Variants in MDFIC observed in about 807,000 individuals in gnomAD.
The protein encoded by MDFIC is myoD family inhibitor domain-containing protein.
A neutral mutation model predicts 23.2 loss-of-function variants in MDFIC; 17 were observed. The observed-to-expected ratio is 0.73, with a 90% CI of 0.50 to 1.10. The LOEUF (loss-of-function observed/expected upper bound fraction) is 1.10. Ranked by LOEUF, MDFIC falls within the 50% of genes least tolerant of loss-of-function variation. The probability of loss-of-function intolerance (pLI) is 0.00; values close to 1 mark genes in which losing one functional copy is unlikely to be tolerated. For synonymous variants in MDFIC, 120 were observed against 115.2 expected (o/e 1.04, Z -0.27); for missense variants, 356 against 316.6 (o/e 1.12, Z -0.95).
At chr7:115,004,892 A>G (rs1438210339) in intron 4 of MDFIC, among the ~76,000 whole-genome samples, 9 of 152,196 alleles carry the variant, frequency 5.9e-5, no homozygotes, top group Non-Finnish European at 2.9e-5. Flanking sequence ...TTCAGCATCT[A>G]CGACAAGGCA....
chr7:114,978,300 G>A (rs1171406684), intron 3 of MDFIC, among the ~76,000 whole-genome samples: 4 of 151,860 alleles, frequency 2.6e-5, no homozygotes, highest in Admixed American at 1.3e-4. Flanking sequence ...GGATCAGCTT[G>A]TCAAGTTCCA....
intron 4 of MDFIC, among the ~76,000 whole-genome samples, chr7:114,981,582 T>C (rs1339976528): frequency 2.6e-5 from 4 of 152,326 alleles, no homozygotes; most frequent in South Asian, 4.1e-4. Flanking sequence ...CCTTGTAATC[T>C]GTGTAATCTG....
intron 4 of MDFIC, among the ~76,000 whole-genome samples, chr7:114,995,139 C>A (rs931398477): frequency 7.9e-5 from 12 of 152,210 alleles, no homozygotes; most frequent in Non-Finnish European, 1.6e-4. Context: ...TTGATCGAAT[C>A]GGCTACTGAA....
chr7:114,993,795 C>A (rs10240788), intron 4 of MDFIC, among the ~76,000 whole-genome samples: 29 of 152,012 alleles, frequency 1.9e-4, no homozygotes, highest in African/African-American at 6.8e-4. Context: ...GGAATAAGTG[C>A]GATATGGTGC....
At chr7:114,964,530 C>T (rs1467606471) in intron 3 of MDFIC, among the ~76,000 whole-genome samples, 3 of 149,258 alleles carry the variant, frequency 2.0e-5, no homozygotes, top group Admixed American at 6.7e-5. Context: ...CCTTCACTTC[C>T]CTTCCCTTCC....
At position 114,948,649 on chromosome 7, in the gene MDFIC, A is replaced by G. The variant is rs566264542; in HGVS notation, c.217+6252A>G. 1.0e-3 allele frequency among the ~76,000 whole-genome samples: 155 copies of G among 150,098 alleles called. 6 individuals are homozygous for G. In the South Asian group the frequency reaches 0.031, roughly 30 times the overall value. ...TTCCTCTTTTCTTCTTCTTTCTCATATTATTCTCTGCCTTTCTAACAGATG... is the reference window on the plus strand; with the variant it reads ...TTCCTCTTTTCTTCTTCTTTCTCATGTTATTCTCTGCCTTTCTAACAGATG... On this transcript the variant is annotated intron_variant, in intron 3 of 4. Transcript: ENST00000393486.
chr7:114,930,467 CTTTG>C (rs1263522036), intron 2 of MDFIC, among the ~76,000 whole-genome samples: 3 of 152,084 alleles, frequency 2.0e-5, no homozygotes, highest in African/African-American at 7.2e-5. Context: ...GTGGCTGTTG[CTTTG>C]TTTGGTCAGT....
intron 3 of MDFIC, among the ~76,000 whole-genome samples, chr7:114,978,994 GATTCACAATGGGATTTTTTTTA>G (rs1793368126): frequency 6.6e-6 from 1 of 152,024 alleles, no homozygotes; most frequent in Non-Finnish European, 1.5e-5. Flanking sequence ...TCTTCTGCAG[GATTCACAATGGGATTTTTTTTA>G]AAAACACTGT....
chr7:114,923,459 G>A (rs1792132013), intron 2 of MDFIC: 1 of 1,537,676 alleles, frequency 6.5e-7, no homozygotes, highest in Non-Finnish European at 8.7e-7. Context: ...TCTCCTCTAG[G>A]TCTCTTCAGC....
chr7:114,977,534 AAT>A (rs1793340031), intron 3 of MDFIC, among the ~76,000 whole-genome samples: 1 of 152,042 alleles, frequency 6.6e-6, no homozygotes, highest in African/African-American at 2.4e-5. Flanking sequence ...ATCACTTCCA[AAT>A]GCAAGCCATA....
At chr7:114,926,677 A>C (rs1273433650) in intron 2 of MDFIC, among the ~76,000 whole-genome samples, 1 of 152,212 alleles carries the variant, frequency 6.6e-6, no homozygotes, top group Admixed American at 6.5e-5. Context: ...CAGTGAAGTT[A>C]ATTAAAAATA....
In MDFIC at chr7:114,922,703, C is replaced by T. The variant is rs1041748098; in HGVS notation, c.-108+67C>T. ...CCCCATCCCCGGGGTTCTCCCAAACCCGATCTCTCTTTCCAGCCCCTCCCC... is the reference window on the plus strand; with the variant it reads ...CCCCATCCCCGGGGTTCTCCCAAACTCGATCTCTCTTTCCAGCCCCTCCCC... On this transcript the variant is annotated intron_variant, in intron 1 of 4. Transcript: ENST00000393486. 4.4e-6 allele frequency: 6 copies of T among 1,364,902 alleles called. 1 individual carries two copies. The highest frequency in any genetic ancestry group is 3.6e-5 in the South Asian group (2 of 55,686). 84.5% of individuals were successfully genotyped at this position (1,364,902 alleles called of 1,614,324 possible). A position where few individuals can be genotyped will look rare whatever the true frequency, so the allele number is the denominator to read the frequency against.
chr7:114,933,558 C>A (rs1038874451), intron 2 of MDFIC, among the ~76,000 whole-genome samples: 22 of 152,088 alleles, frequency 1.4e-4, no homozygotes, highest in Non-Finnish European at 2.6e-4. Flanking sequence ...TGCCCAGCCT[C>A]CATTCCTTTT....
intron 2 of MDFIC, among the ~76,000 whole-genome samples, chr7:114,929,014 A>T (rs941319397): frequency 1.3e-5 from 2 of 151,694 alleles, no homozygotes; most frequent in East Asian, 1.9e-4. Context: ...TGATGAAATG[A>T]TATGGTTGGG....
intron 3 of MDFIC, among the ~76,000 whole-genome samples, chr7:114,952,680 C>T (rs905610480): frequency 3.3e-5 from 5 of 152,154 alleles, no homozygotes; most frequent in Admixed American, 1.3e-4. Flanking sequence ...TTCATGAGAA[C>T]TTGTGAGAAC....
In MDFIC at chr7:114,924,508, A is replaced by C. The variant is rs145349965; in HGVS notation, c.94+1381A>C. ...TCTGGGAGAATGTGCAGTGGTACTT[A>C]ATGTACCTGTGCATTAGGATGCTGG... On this transcript the variant is annotated intron_variant, in intron 2 of 4. Coordinates refer to ENST00000393486, the MANE Select transcript of MDFIC (RefSeq NM_001166345.3). Among the ~76,000 whole-genome samples, 134 of 152,320 alleles carry C rather than the reference A, an allele frequency of 8.8e-4. 1 individual carries two copies. The East Asian group carries it at 0.016, about 18-fold the overall frequency.
intron 3 of MDFIC, among the ~76,000 whole-genome samples, chr7:114,945,076 A>G (rs1792619190): frequency 6.6e-6 from 1 of 152,244 alleles, no homozygotes; most frequent in Non-Finnish European, 1.5e-5. Context: ...GCAAGAAGTG[A>G]AGGAGACAGA....
At chr7:114,992,979 C>A (rs76951620) in intron 4 of MDFIC, among the ~76,000 whole-genome samples, 1 of 152,124 alleles carries the variant, frequency 6.6e-6, no homozygotes, top group African/African-American at 2.4e-5. Flanking sequence ...TCCGTCTGGT[C>A]CTGGACTTTT....
chr7:114,996,208 A>C (rs1791324225), intron 4 of MDFIC, among the ~76,000 whole-genome samples: 1 of 152,188 alleles, frequency 6.6e-6, no homozygotes, highest in South Asian at 2.1e-4. Context: ...CCAAAAAGCG[A>C]GACCTGCCAT....
Sources: allele counts gnomAD v4.1 joint callset (sites outside exome capture counted in the v4.1 genomes callset), GRCh38; gene constraint gnomAD v4.1.1; transcripts MANE v1.5; gene names NCBI Gene and HGNC (gene_info 2026-07-23, HGNC 2026-07-21).